MACROH2A1: variants seen among roughly 807,000 people sequenced by gnomAD.
MACROH2A1 encodes the protein core histone macro-H2A.1.
A neutral mutation model predicts 31.6 loss-of-function variants in MACROH2A1; 2 were observed. The observed-to-expected ratio is 0.06, with a 90% CI of 0.03 to 0.20. The LOEUF (loss-of-function observed/expected upper bound fraction) is 0.20, where lower values mean the gene tolerates loss of function less well. Among genes scored for constraint, MACROH2A1 ranks in the 10% least tolerant of loss-of-function variants. The pLI is 1.00. For synonymous variants in MACROH2A1, 169 were observed against 189.6 expected (o/e 0.89, Z 0.89); for missense variants, 230 against 474.0 (o/e 0.49, Z 4.78).
intron 6 of MACROH2A1, chr5:135,351,058 C>A: frequency 1.7e-6 from 1 of 582,998 alleles, no homozygotes; most frequent in South Asian, 2.1e-5. Flanking sequence ...ACGCAGTGTG[C>A]GCACATGTGG....
chr5:135,370,146 T>C lies in MACROH2A1; in HGVS notation c.173-4A>G. 1 of 1,591,810 alleles carries C rather than the reference T, an allele frequency of 6.3e-7. No individual in the cohort carries two copies. The highest frequency in any genetic ancestry group is 1.1e-5 in the South Asian group (1 of 89,904). Reference sequence around the variant, plus strand: ...CCAGCCAGCTCCAGAATCTCCGCTGTGGGGAGCAGAGATGAGTGTATGGTC... The same window carrying C: ...CCAGCCAGCTCCAGAATCTCCGCTGCGGGGAGCAGAGATGAGTGTATGGTC... On this transcript the variant is annotated splice_region_variant and splice_polypyrimidine_tract_variant and intron_variant, in intron 2 of 8. Coordinates refer to ENST00000511689, the MANE Select transcript of MACROH2A1 (RefSeq NM_138610.3).
chr5:135,356,709 G>C (rs1336470330), intron 5 of MACROH2A1: 1 of 152,206 alleles, frequency 6.6e-6, no homozygotes, highest in Non-Finnish European at 1.5e-5. Context: ...GCGGTCTGTC[G>C]ATGATGACAG....
chr5:135,360,544 C>T lies in MACROH2A1; in HGVS notation c.541G>A (p.Asp181Asn), dbSNP rs745466156. ...TTGGTGGAGAGGACTGTGAAGCCGT[C>T]GGCAGGTGTGCCCTCGGTTGTGCTG... ...ADSTTEGTPA[D>N]GFTVLSTKSL... Residue 181 changes from aspartate to asparagine, a missense_variant, in exon 5 of 9, where the codon GAC becomes AAC. By Grantham distance (23) the Asp-to-Asn change is conservative (BLOSUM62 1). This residue lies in a region of MACROH2A1 where 183 missense variants were observed against 319.3 expected (regional missense o/e 0.57). Transcript: ENST00000511689. The T allele has an allele frequency of 3.0e-5, 49 of 1,613,900 alleles. No individual in the cohort carries two copies. Among genetic ancestry groups the T allele is most frequent in the South Asian group, 1.6e-4 (15 of 91,086 alleles).
At chr5:135,341,161 C>T (rs184075706) in intron 8 of MACROH2A1, among the ~76,000 whole-genome samples, 84 of 152,370 alleles carry the variant, frequency 5.5e-4, no homozygotes, top group African/African-American at 1.9e-3. Context: ...ATTGAAAGCA[C>T]TAATTAACTG....
At chr5:135,372,674 C>T (rs1007308014) in intron 2 of MACROH2A1, among the ~76,000 whole-genome samples, 4 of 152,226 alleles carry the variant, frequency 2.6e-5, no homozygotes, top group Admixed American at 1.3e-4. Context: ...ATCCGTAATG[C>T]CACTGTCCTG....
intron 1 of MACROH2A1, among the ~76,000 whole-genome samples, chr5:135,392,521 G>A (rs1294225230): frequency 6.6e-6 from 1 of 152,144 alleles, no homozygotes; most frequent in African/African-American, 2.4e-5. Context: ...AAAGAATTCT[G>A]ACTAAGCCAT....
intron 1 of MACROH2A1, among the ~76,000 whole-genome samples, chr5:135,393,436 C>T (rs1767531191): frequency 6.6e-6 from 1 of 152,172 alleles, no homozygotes; most frequent in Non-Finnish European, 1.5e-5. Flanking sequence ...GAACGCTGAC[C>T]CTAACCCCAG....
intron 8 of MACROH2A1, among the ~76,000 whole-genome samples, chr5:135,339,186 G>A (rs900285600): frequency 2.0e-5 from 3 of 152,200 alleles, no homozygotes; most frequent in Non-Finnish European, 4.4e-5. Context: ...CTCCAGTTGT[G>A]TCTGTAATGC....
chr5:135,366,048 T>C (rs550575845), intron 4 of MACROH2A1, among the ~76,000 whole-genome samples: 1 of 152,256 alleles, frequency 6.6e-6, no homozygotes, highest in South Asian at 2.1e-4. Flanking sequence ...CTCATGAAAT[T>C]TGATGGTTTT....
intron 1 of MACROH2A1, among the ~76,000 whole-genome samples, chr5:135,394,776 A>T (rs1767735576): frequency 6.6e-6 from 1 of 151,944 alleles, no homozygotes; most frequent in Non-Finnish European, 1.5e-5. Context: ...AAACGAACCA[A>T]TTTGCTCTAC....
intron 2 of MACROH2A1, among the ~76,000 whole-genome samples, chr5:135,380,638 G>A (rs1396628495): frequency 1.3e-5 from 2 of 152,172 alleles, no homozygotes; most frequent in African/African-American, 2.4e-5. Context: ...GAGGGGTCTA[G>A]GGGTGTTGAG....
Position 135,398,464 on chromosome 5 carries a change from C to G in MACROH2A1, c.-34+598G>C, listed in dbSNP as rs1411374491. On this transcript the variant is annotated intron_variant, in intron 1 of 8. Transcript: ENST00000511689. The surrounding 1 kb of genome is among the most constrained non-coding windows in gnomAD (Gnocchi z 4.6). ...GCCCCTCTCCAGCCCATCCTTGGAC[C>G]ACTCCCCAACCCGGTCCCCCGCACC... is the stretch of plus-strand genomic sequence containing the variant. Among the ~76,000 whole-genome samples the G allele has an allele frequency of 6.6e-6, 1 of 152,228 alleles. No individual in the cohort carries two copies. Among genetic ancestry groups the G allele is most frequent in the East Asian group, 1.9e-4 (1 of 5,186 alleles).
chr5:135,359,673 A>C, intron 5 of MACROH2A1: 1 of 985,014 alleles, frequency 1.0e-6, no homozygotes, highest in Non-Finnish European at 1.2e-6. Flanking sequence ...AAAATGATGC[A>C]GCTTCAGATC....
chr5:135,392,541 T>C (rs961788267), intron 1 of MACROH2A1, among the ~76,000 whole-genome samples: 4 of 152,228 alleles, frequency 2.6e-5, no homozygotes, highest in African/African-American at 9.6e-5. Flanking sequence ...TGAAGCCTTA[T>C]GACATCCAGC....
chr5:135,379,791 C>T (rs547151817), intron 2 of MACROH2A1, among the ~76,000 whole-genome samples: 3 of 152,322 alleles, frequency 2.0e-5, no homozygotes, highest in East Asian at 1.9e-4. Context: ...TGGTCATCCA[C>T]GGAGGACACC....
At chr5:135,363,085 T>C (rs571806891) in intron 4 of MACROH2A1, among the ~76,000 whole-genome samples, 3 of 152,168 alleles carry the variant, frequency 2.0e-5, no homozygotes, top group Admixed American at 1.3e-4. Context: ...AAAATAAGAC[T>C]GGGTCTGGGA....
At chr5:135,370,833 G>GT (rs1438501532) in intron 2 of MACROH2A1, among the ~76,000 whole-genome samples, 1 of 152,202 alleles carries the variant, frequency 6.6e-6, no homozygotes, top group African/African-American at 2.4e-5. Context: ...GGAGACAACT[G>GT]AAGAGCTCTG....
At chr5:135,373,726 T>C (rs1191300619) in intron 2 of MACROH2A1, among the ~76,000 whole-genome samples, 5 of 152,270 alleles carry the variant, frequency 3.3e-5, no homozygotes, top group Non-Finnish European at 7.4e-5. Context: ...CTCTTCCTTT[T>C]TGCAAAACCC....
chr5:135,346,358 C>G (rs1436045245), intron 6 of MACROH2A1: 1 of 361,280 alleles, frequency 2.8e-6, no homozygotes. Flanking sequence ...TTGTTTTTTG[C>G]AAACATGCTT....
Sources: gnomAD v4.1 joint callset for allele counts (sites outside exome capture counted in the v4.1 genomes callset) on GRCh38, gnomAD v4.1.1 for gene constraint, gnomAD v4.1.1 regional missense constraint, Gnocchi (gnomAD v3.1) non-coding constraint, MANE v1.5 for transcripts, NCBI Gene and HGNC (gene_info 2026-07-23, HGNC 2026-07-21) for gene names.